Variants in DMRT1 observed in about 807,000 individuals in gnomAD.
DMRT1 encodes the protein doublesex- and mab-3-related transcription factor 1.
DMRT1 carries 7 observed loss-of-function variants against 32.3 expected under a neutral mutation model. The ratio of observed to expected loss-of-function variants is 0.22; its 90% confidence interval spans 0.12 to 0.41. The LOEUF is 0.41. DMRT1 is among the 10% of genes least tolerant of loss of function. The pLI is 1.00. For missense variants in DMRT1, 625 were observed against 500.5 expected (o/e 1.25, Z -2.37); for synonymous variants, 278 against 206.1 (o/e 1.35, Z -2.99).
chr9:936,404 C>T (rs1818886511), intron 4 of DMRT1, among the ~76,000 whole-genome samples: 1 of 151,746 alleles, frequency 6.6e-6, no homozygotes, highest in Non-Finnish European at 1.5e-5. Flanking sequence ...TTTTGATGGG[C>T]CATTGTCTTC....
chr9:846,896 T>C (rs545384502), intron 1 of DMRT1, 64 bp from the exon 2 acceptor site: 1 of 1,597,080 alleles, frequency 6.3e-7, no homozygotes, highest in African/African-American at 1.3e-5. Context: ...TGGGTGGGGC[T>C]TCTGTGTTTT....
At chr9:849,972 C>T (rs145691587) in intron 2 of DMRT1, among the ~76,000 whole-genome samples, 1,966 of 152,262 alleles carry the variant, frequency 0.013, 40 homozygotes, top group African/African-American at 0.044. Context: ...TACAAGCATG[C>T]GCTATCTGGC....
intron 4 of DMRT1, among the ~76,000 whole-genome samples, chr9:953,062 T>A (rs1386680667): frequency 1.3e-5 from 2 of 152,164 alleles, no homozygotes; most frequent in Non-Finnish European, 2.9e-5. Context: ...GACTGCTACA[T>A]GGTTATTTTG....
chr9:875,896 C>A (rs922550513), intron 2 of DMRT1, among the ~76,000 whole-genome samples: 6 of 152,110 alleles, frequency 3.9e-5, no homozygotes, highest in South Asian at 2.1e-4. Context: ...AAAATAGCTG[C>A]GTCCGGTGTT....
intron 3 of DMRT1, among the ~76,000 whole-genome samples, chr9:896,328 G>A (rs1459158606): frequency 1.6e-5 from 2 of 127,154 alleles, no homozygotes; most frequent in Admixed American, 9.5e-5. Context: ...TCACTCTGTC[G>A]CCCAGGCTGG....
Position 948,942 on chromosome 9 carries a change from TA to T in DMRT1, c.968-19041del, listed in dbSNP as rs905293765. Among the ~76,000 whole-genome samples, 177 of 146,092 alleles carry T rather than the reference TA, an allele frequency of 1.2e-3. 1 individual carries two copies. Among genetic ancestry groups the T allele is most frequent in the South Asian group, 0.011 (49 of 4,632 alleles). On this transcript the variant is annotated intron_variant, in intron 4 of 4. Coordinates refer to ENST00000382276, the MANE Select transcript of DMRT1 (RefSeq NM_021951.3). The stretch of plus-strand genomic sequence containing the variant: ...ATAATAATAATAATAATAATAATAA[TA>T]ATAGCCGGGCGTGGTGGTGGGTGCC...
At chr9:915,317 C>T (rs1178126289) in intron 3 of DMRT1, among the ~76,000 whole-genome samples, 1 of 152,076 alleles carries the variant, frequency 6.6e-6, no homozygotes, top group Non-Finnish European at 1.5e-5. Flanking sequence ...TCATCAGGGC[C>T]AGGAAAGTGG....
At chr9:913,484 T>A (rs10977451) in intron 3 of DMRT1, among the ~76,000 whole-genome samples, 24,774 of 152,132 alleles carry the variant, frequency 0.16, 2,926 homozygotes, top group African/African-American at 0.34. Flanking sequence ...ATCTTTTAGT[T>A]CTGGGGAATT....
At chr9:842,687 A>C (rs1838738698) in intron 1 of DMRT1, 2 of 154,352 alleles carry the variant, frequency 1.3e-5, no homozygotes, top group Admixed American at 1.3e-4. Flanking sequence ...GGAGCGCCGG[A>C]GACGCGTCTG....
At chr9:929,069 T>TGGGC in intron 4 of DMRT1, among the ~76,000 whole-genome samples, 1 of 151,972 alleles carries the variant, frequency 6.6e-6, no homozygotes, top group South Asian at 2.1e-4. Context: ...AAACTCCTGA[T>TGGGC]CTCAAGTGAT....
chr9:842,125 T>A lies in DMRT1; in HGVS notation c.287T>A (p.Met96Lys). Reference protein sequence around the residue: ...SPLKGHKRFCMWRDCQCKKCN... With the variant: ...SPLKGHKRFCKWRDCQCKKCN... Reference sequence around the variant, plus strand: ...CTCAAGGGCCACAAGCGCTTCTGCATGTGGCGCGACTGCCAGTGCAAGAAG... The same window carrying A: ...CTCAAGGGCCACAAGCGCTTCTGCAAGTGGCGCGACTGCCAGTGCAAGAAG... The change falls in exon 1 of 5, where the codon ATG becomes AAG. Residue 96 changes from methionine to lysine, a missense_variant. Met to Lys is a moderately conservative substitution (Grantham distance 95). This residue lies in a region of DMRT1 where 201 missense variants were observed against 152.0 expected (regional missense o/e 1.32). Transcript: ENST00000382276. 3 of 1,548,216 alleles carry A rather than the reference T, an allele frequency of 1.9e-6. No homozygotes were observed. Among genetic ancestry groups the A allele is most frequent in the Non-Finnish European group, 1.7e-6 (2 of 1,151,256 alleles).
chr9:885,954 T>C (rs1387756630), intron 2 of DMRT1, among the ~76,000 whole-genome samples: 1 of 152,218 alleles, frequency 6.6e-6, no homozygotes, highest in Non-Finnish European at 1.5e-5. Flanking sequence ...CACATTCTCT[T>C]GAAAACAATG....
intron 2 of DMRT1, among the ~76,000 whole-genome samples, chr9:864,084 G>A (rs1465884167): frequency 6.6e-6 from 1 of 152,176 alleles, no homozygotes; most frequent in African/African-American, 2.4e-5. Flanking sequence ...AAGCAGAGGA[G>A]CAGAGAAGCC....
chr9:861,050 C>CTTTTTTTTTTTTT (rs140608243), intron 2 of DMRT1, among the ~76,000 whole-genome samples: 1 of 121,400 alleles, frequency 8.2e-6, no homozygotes, highest in Non-Finnish European at 1.8e-5. Flanking sequence ...AATTTACTTT[C>CTTTTTTTTTTTTT]TTTTTTTTTT....
At position 872,285 on chromosome 9, in the gene DMRT1, A is replaced by T. The variant is rs535689727; in HGVS notation, c.539-21627A>T. Among the ~76,000 whole-genome samples the T allele has an allele frequency of 6.3e-3, 957 of 151,022 alleles. 7 individuals are homozygous for T. Among genetic ancestry groups the T allele is most frequent in the Middle Eastern group, 0.014 (4 of 292 alleles). On this transcript the variant is annotated intron_variant, in intron 2 of 4. Coordinates refer to ENST00000382276, the MANE Select transcript of DMRT1 (RefSeq NM_021951.3). ...ACCATGTTGGCCAGGCTGGTCTCGA[A>T]CTCCTGACCTTGTGATCCACCCGCC...
At chr9:862,383 C>T (rs1815754139) in intron 2 of DMRT1, among the ~76,000 whole-genome samples, 1 of 151,900 alleles carries the variant, frequency 6.6e-6, no homozygotes, top group African/African-American at 2.4e-5. Flanking sequence ...CGCCTGCAGT[C>T]CCAGGCACGC....
chr9:889,548 C>G (rs1817060307), intron 2 of DMRT1, among the ~76,000 whole-genome samples: 1 of 152,174 alleles, frequency 6.6e-6, no homozygotes, highest in South Asian at 2.1e-4. Context: ...ATTGCTTTGA[C>G]CTGACGTAGC....
chr9:849,332 G>C (rs147328930), intron 2 of DMRT1, among the ~76,000 whole-genome samples: 131 of 152,214 alleles, frequency 8.6e-4, no homozygotes, highest in African/African-American at 3.0e-3. Context: ...TAGGGCTGAT[G>C]GACAGTTAGC....
chr9:927,313 A>T (rs1476048947), intron 4 of DMRT1, among the ~76,000 whole-genome samples: 1 of 152,238 alleles, frequency 6.6e-6, no homozygotes, highest in African/African-American at 2.4e-5. Context: ...ATCTTTCACC[A>T]TTCATCATCC....
Sources: allele counts gnomAD v4.1 joint callset (sites outside exome capture counted in the v4.1 genomes callset), GRCh38; gene constraint gnomAD v4.1.1; regional missense constraint gnomAD v4.1.1; transcripts MANE v1.5; gene names NCBI Gene and HGNC (gene_info 2026-07-23, HGNC 2026-07-21).